Variants in PARD3B observed in about 807,000 individuals in gnomAD.
PARD3B encodes par-3 family cell polarity regulator beta, also known as partitioning defective 3 homolog B.
Under a neutral mutation model 130.2 loss-of-function variants are expected in PARD3B, and 103 were observed. That is an observed-to-expected ratio of 0.79 (90% CI 0.67 to 0.93). PARD3B has a LOEUF of 0.93. PARD3B is among the 40% of genes least tolerant of loss of function. The pLI, the probability that PARD3B is intolerant of heterozygous loss-of-function variation, is 0.00. For missense variants in PARD3B, 1,609 were observed against 1,499.2 expected (o/e 1.07, Z -1.21); for synonymous variants, 583 against 553.2 (o/e 1.05, Z -0.76).
At chr2:204,722,846 G>C (rs1358213478) in intron 2 of PARD3B, among the ~76,000 whole-genome samples, 1 of 152,018 alleles carries the variant, frequency 6.6e-6, no homozygotes, top group African/African-American at 2.4e-5. Context: ...AGGGATGAAG[G>C]CTATGCTGTC....
intron 1 of PARD3B, among the ~76,000 whole-genome samples, chr2:204,630,421 T>C (rs1479692854): frequency 6.6e-6 from 1 of 151,928 alleles, no homozygotes; most frequent in Non-Finnish European, 1.5e-5. Context: ...AAGGTAATAT[T>C]TGTAAATATT....
intron 2 of PARD3B, among the ~76,000 whole-genome samples, chr2:204,938,481 C>G (rs1379497760): frequency 6.6e-6 from 1 of 152,154 alleles, no homozygotes; most frequent in Non-Finnish European, 1.5e-5. Context: ...TTCAGAGAGG[C>G]CCTTCTTGAC....
intron 21 of PARD3B, among the ~76,000 whole-genome samples, chr2:205,543,708 T>C (rs901530152): frequency 6.6e-6 from 1 of 152,192 alleles, no homozygotes; most frequent in African/African-American, 2.4e-5. Flanking sequence ...GAGGCAGAGA[T>C]GGAAATGGTA....
intron 2 of PARD3B, among the ~76,000 whole-genome samples, chr2:204,829,361 T>C (rs915792007): frequency 1.3e-5 from 2 of 152,210 alleles, no homozygotes; most frequent in Admixed American, 1.3e-4. Context: ...TTTAATCAGC[T>C]TTCTTCAATA....
rs1027506029 is a variant in PARD3B at position 205,463,492 on chromosome 2, A to G, written c.3044+22820A>G. 1.3e-5 allele frequency among the ~76,000 whole-genome samples: 2 copies of G among 151,772 alleles called. No homozygotes were observed. Among genetic ancestry groups the G allele is most frequent in the Non-Finnish European group, 2.9e-5 (2 of 67,948 alleles). On this transcript the variant is annotated intron_variant, in intron 20 of 22. Transcript: ENST00000406610. The surrounding 1 kb of genome is among the most constrained non-coding windows in gnomAD (Gnocchi z 4.8). ...TTTAATTTTAAATGCTAATATGCAT[A>G]TGGTTAATTAAGAAGCCAAAATTGG...
intron 2 of PARD3B, among the ~76,000 whole-genome samples, chr2:204,712,728 G>C (rs1466852494): frequency 1.3e-5 from 2 of 149,456 alleles, no homozygotes; most frequent in Non-Finnish European, 3.0e-5. Flanking sequence ...AGCAATCAAA[G>C]AAAAATCATG....
chr2:204,908,875 T>A (rs1267931329), intron 2 of PARD3B, among the ~76,000 whole-genome samples: 1 of 152,200 alleles, frequency 6.6e-6, no homozygotes, highest in Admixed American at 6.5e-5. Context: ...TCCATAAATA[T>A]AGTGAATTTG....
rs558280349 is a variant in PARD3B, at chr2:205,047,973, C to A, written c.504+283C>A. The A allele has an allele frequency of 3.4e-4, 82 of 239,878 alleles. 1 individual carries two copies. The East Asian group carries it at 6.7e-3, about 20-fold the overall frequency. 14.9% of individuals were successfully genotyped at this position (239,878 alleles called of 1,614,324 possible). On this transcript the variant is annotated intron_variant, in intron 4 of 22. Coordinates refer to ENST00000406610, the MANE Select transcript of PARD3B (RefSeq NM_001302769.2). ...CAAGGTAAGCACATGTTTTTATCTC[C>A]ATTTAACTGATAATGAAATTGAGGC...
intron 10 of PARD3B, among the ~76,000 whole-genome samples, chr2:205,127,624 G>T (rs1049436547): frequency 6.6e-6 from 1 of 152,152 alleles, no homozygotes; most frequent in Non-Finnish European, 1.5e-5. Context: ...AGTTTCCTTG[G>T]CATGGAATTT....
intron 1 of PARD3B, among the ~76,000 whole-genome samples, chr2:204,557,163 A>C (rs1203321069): frequency 6.6e-6 from 1 of 152,006 alleles, no homozygotes; most frequent in Non-Finnish European, 1.5e-5. Context: ...CATTCACCAC[A>C]TGGCTTCACC....
intron 3 of PARD3B, among the ~76,000 whole-genome samples, chr2:205,016,589 G>T (rs908389353): frequency 2.0e-5 from 3 of 152,108 alleles, no homozygotes; most frequent in Non-Finnish European, 4.4e-5. Context: ...TGAAAGTAGG[G>T]GTACTCTGAT....
chr2:204,896,603 T>C (rs936855982), intron 2 of PARD3B, among the ~76,000 whole-genome samples: 7 of 152,326 alleles, frequency 4.6e-5, no homozygotes, highest in South Asian at 2.1e-4. Flanking sequence ...TCCTGGAACA[T>C]TGTAAGAGCT....
intron 22 of PARD3B, among the ~76,000 whole-genome samples, chr2:205,557,424 A>C (rs1219544384): frequency 6.6e-6 from 1 of 152,136 alleles, no homozygotes; most frequent in East Asian, 1.9e-4. Flanking sequence ...TATGACCTTG[A>C]GGCATTCAAC....
At chr2:204,723,284 A>G (rs1467119203) in intron 2 of PARD3B, among the ~76,000 whole-genome samples, 1 of 152,188 alleles carries the variant, frequency 6.6e-6, no homozygotes, top group Non-Finnish European at 1.5e-5. Context: ...TGAAATTGAT[A>G]CATTTATGGA....
intron 1 of PARD3B, among the ~76,000 whole-genome samples, chr2:204,581,315 A>G (rs2032542407): frequency 6.6e-6 from 1 of 152,238 alleles, no homozygotes; most frequent in Admixed American, 6.5e-5. Context: ...TGCATTTGTA[A>G]GTAAATTCTT....
intron 2 of PARD3B, among the ~76,000 whole-genome samples, chr2:204,877,839 G>A (rs2125661684): frequency 6.6e-6 from 1 of 152,268 alleles, no homozygotes; most frequent in Non-Finnish European, 1.5e-5. Context: ...TACCAGTTAG[G>A]AGCCCTACAT....
intron 2 of PARD3B, among the ~76,000 whole-genome samples, chr2:204,813,987 T>C (rs2043056117): frequency 1.3e-5 from 2 of 152,074 alleles, no homozygotes; most frequent in South Asian, 4.1e-4. Context: ...AGCATGTCAA[T>C]TTCTGCAGCA....
intron 2 of PARD3B, among the ~76,000 whole-genome samples, chr2:204,688,578 T>TA (rs568862087): frequency 0.059 from 5,579 of 94,472 alleles, 348 homozygotes; most frequent in East Asian, 0.18. Flanking sequence ...AGACTCCATC[T>TA]AAAAAAAAAA....
At chr2:205,123,921 C>A (rs1030746258) in intron 8 of PARD3B, among the ~76,000 whole-genome samples, 1 of 152,128 alleles carries the variant, frequency 6.6e-6, no homozygotes, top group Non-Finnish European at 1.5e-5. Flanking sequence ...AATTGAGACA[C>A]AAGTAGAGGG....
Sources: allele counts gnomAD v4.1 joint callset (sites outside exome capture counted in the v4.1 genomes callset), GRCh38; gene constraint gnomAD v4.1.1; non-coding constraint Gnocchi (gnomAD v3.1); transcripts MANE v1.5; gene names NCBI Gene and HGNC (gene_info 2026-07-23, HGNC 2026-07-21).